The following DTL variants were observed in gnomAD, a reference collection of about 807,000 sequenced individuals.
The protein encoded by DTL is denticleless protein homolog.
DTL carries 46 observed loss-of-function variants against 87.0 expected under a neutral mutation model. The observed-to-expected ratio is 0.53, with a 90% CI of 0.42 to 0.68. The LOEUF is 0.68. Among genes scored for constraint, DTL ranks in the 30% least tolerant of loss-of-function variants. The probability of loss-of-function intolerance (pLI) is 0.00; values close to 1 mark genes in which losing one functional copy is unlikely to be tolerated. For synonymous variants in DTL, 308 were observed against 311.2 expected, an observed-to-expected ratio of 0.99 and a Z score of 0.11; for missense variants, 737 against 869.4, an observed-to-expected ratio of 0.85 and a Z score of 1.91.
chr1:212,100,224 A>G, intron 13 of DTL, 28 bp from the exon 14 acceptor site: 1 of 1,479,590 alleles, frequency 6.8e-7, no homozygotes, highest in Non-Finnish European at 9.1e-7. Context: ...TTCACTTCTG[A>G]TCTTCATGAT....
chr1:212,095,477 C>T (rs1655419694), intron 13 of DTL, among the ~76,000 whole-genome samples: 1 of 152,114 alleles, frequency 6.6e-6, no homozygotes, highest in Non-Finnish European at 1.5e-5. Flanking sequence ...GCCTCAGCCT[C>T]CCAAGTAGCT....
intron 5 of DTL, among the ~76,000 whole-genome samples, chr1:212,049,080 G>A (rs1362031763): frequency 1.3e-5 from 2 of 152,026 alleles, no homozygotes; most frequent in Non-Finnish European, 2.9e-5. Context: ...GTACCACCAC[G>A]CCCAGCTAAT....
chr1:212,078,149 CTTGT>C lies in DTL; in HGVS notation c.1036-17_1036-14del. On this transcript the variant is annotated intron_variant, in intron 11 of 14. Transcript: ENST00000366991. The stretch of plus-strand genomic sequence containing the variant: ...GGGAAATCTAATATTGCTTTGCTGA[CTTGT>C]TTGTTTTTGATTGGACTAGGTCTCC... The C allele has an allele frequency of 7.0e-7, 1 of 1,432,224 alleles. No homozygotes were observed. The highest frequency in any genetic ancestry group is 9.8e-7 in the Non-Finnish European group (1 of 1,016,676). 88.7% of individuals were successfully genotyped at this position (1,432,224 alleles called of 1,614,324 possible).
intron 5 of DTL, among the ~76,000 whole-genome samples, chr1:212,047,683 A>C (rs143708495): frequency 0.016 from 2,389 of 152,186 alleles, 27 homozygotes; most frequent in Non-Finnish European, 0.024. Flanking sequence ...CTACAGGCGC[A>C]CATCACCATG....
chr1:212,085,615 C>T (rs1655109809), intron 13 of DTL, among the ~76,000 whole-genome samples: 1 of 152,086 alleles, frequency 6.6e-6, no homozygotes, highest in African/African-American at 2.4e-5. Context: ...TTGATGGTGT[C>T]TCTTGACACA....
intron 13 of DTL, among the ~76,000 whole-genome samples, chr1:212,092,920 C>T (rs1655328736): frequency 6.6e-6 from 1 of 152,034 alleles, no homozygotes; most frequent in Non-Finnish European, 1.5e-5. Context: ...CACATCCACC[C>T]CAATGATGGC....
intron 13 of DTL, among the ~76,000 whole-genome samples, chr1:212,092,693 A>G (rs1655321398): frequency 6.6e-6 from 1 of 152,154 alleles, no homozygotes; most frequent in Non-Finnish European, 1.5e-5. Flanking sequence ...CTGGTTCCAC[A>G]TTTTTGCAGT....
intron 5 of DTL, among the ~76,000 whole-genome samples, chr1:212,051,363 T>G (rs754532444): frequency 9.3e-5 from 14 of 150,906 alleles, no homozygotes; most frequent in Non-Finnish European, 1.5e-4. Context: ...TGGTAATAAT[T>G]TACCTTAGTT....
intron 13 of DTL, among the ~76,000 whole-genome samples, chr1:212,096,131 T>G (rs965539626): frequency 6.6e-5 from 10 of 152,194 alleles, no homozygotes; most frequent in African/African-American, 2.4e-4. Flanking sequence ...ATCCATCTCC[T>G]CTAGGTTTTC....
At chr1:212,101,190 A>C (rs1655616592) in intron 14 of DTL, 106 bp downstream of exon 14, 3 of 850,858 alleles carry the variant, frequency 3.5e-6, no homozygotes, top group Non-Finnish European at 5.2e-6. Context: ...AAAGAAATCT[A>C]TTTATTCCTA....
chr1:212,040,055 A>G (rs374979742), intron 1 of DTL, among the ~76,000 whole-genome samples: 3 of 152,270 alleles, frequency 2.0e-5, no homozygotes, highest in African/African-American at 7.2e-5. Flanking sequence ...AAACTTACAA[A>G]CATCTTAAAT....
chr1:212,076,350 C>G (rs931757974), intron 11 of DTL, among the ~76,000 whole-genome samples: 1 of 152,136 alleles, frequency 6.6e-6, no homozygotes, highest in African/African-American at 2.4e-5. Context: ...GTCATTGATA[C>G]CTTGTTAACG....
intron 1 of DTL, among the ~76,000 whole-genome samples, chr1:212,036,319 TG>T (rs1190040478): frequency 6.6e-6 from 1 of 152,176 alleles, no homozygotes; most frequent in Non-Finnish European, 1.5e-5. Flanking sequence ...ATTCGTTTGT[TG>T]TAGAATCTTA....
At chr1:212,063,117 G>T (rs1254488641) in intron 6 of DTL, among the ~76,000 whole-genome samples, 168 bp downstream of exon 6, 1 of 152,050 alleles carries the variant, frequency 6.6e-6, no homozygotes, top group African/African-American at 2.4e-5. Context: ...TGTCCTGAGT[G>T]ATAAATACAT....
chr1:212,065,054 G>T lies in DTL; in HGVS notation c.639+25G>T, dbSNP rs1558079410. The stretch of plus-strand genomic sequence containing the variant: ...GGTAAGGTTTTACAGATGTATACAT[G>T]TGTGCAGATCTTATCTGTAGGATAG... On this transcript the variant is annotated intron_variant, in intron 7 of 14. Coordinates refer to ENST00000366991, the MANE Select transcript of DTL (RefSeq NM_016448.4). 3.4e-6 allele frequency: 5 copies of T among 1,463,272 alleles called. No individual in the cohort carries two copies. The South Asian group carries it at 5.7e-5, about 17-fold the overall frequency. 90.6% of individuals were successfully genotyped at this position (1,463,272 alleles called of 1,614,324 possible). A position where few individuals can be genotyped will look rare whatever the true frequency, so the allele number is the denominator to read the frequency against.
intron 13 of DTL, among the ~76,000 whole-genome samples, chr1:212,091,856 C>G (rs762768572): frequency 1.3e-5 from 2 of 152,134 alleles, no homozygotes; most frequent in Non-Finnish European, 2.9e-5. Flanking sequence ...TTTAATCATT[C>G]TACAATGTAT....
chr1:212,099,415 G>GT (rs1186123162), intron 13 of DTL: 1 of 152,296 alleles, frequency 6.6e-6, no homozygotes, highest in African/African-American at 2.4e-5. Flanking sequence ...TGTATTTTTA[G>GT]TAGAGACAGG....
chr1:212,077,148 G>T (rs1163990269), intron 11 of DTL, among the ~76,000 whole-genome samples: 4 of 152,118 alleles, frequency 2.6e-5, no homozygotes, highest in African/African-American at 9.7e-5. Flanking sequence ...CAGAGCCTCA[G>T]GAAAATGAAA....
At chr1:212,043,163 A>G (rs1260586999) in intron 2 of DTL, 45 bp downstream of exon 2, 3 of 1,570,312 alleles carry the variant, frequency 1.9e-6, no homozygotes, top group East Asian at 2.3e-5. Context: ...GAAATGATCT[A>G]TTTCACACTT....
Sources: allele counts gnomAD v4.1 joint callset (sites outside exome capture counted in the v4.1 genomes callset), GRCh38; gene constraint gnomAD v4.1.1; transcripts MANE v1.5; gene names NCBI Gene and HGNC (gene_info 2026-07-23, HGNC 2026-07-21).